Variants in MAF observed in about 807,000 individuals in gnomAD.
MAF encodes MAF bZIP transcription factor, also known as transcription factor Maf.
A neutral mutation model predicts 22.0 loss-of-function variants in MAF; 10 were observed. That is an observed-to-expected ratio of 0.45 (90% CI 0.28 to 0.77). The LOEUF (loss-of-function observed/expected upper bound fraction) is 0.77. MAF is among the 30% of genes least tolerant of loss of function. The pLI is 0.12. For synonymous variants in MAF, 337 were observed against 255.8 expected (o/e 1.32, Z -3.03); for missense variants, 544 against 548.4 (o/e 0.99, Z 0.08).
the MAF span, among the ~76,000 whole-genome samples, chr16:79,303,601 A>C: frequency 5.9e-5 from 9 of 152,218 alleles, no homozygotes; most frequent in African/African-American, 2.2e-4. Context: ...CCCAGTGCCT[A>C]CGAATGGCTT....
chr16:79,369,903 A>G, the MAF span, among the ~76,000 whole-genome samples: 1 of 152,208 alleles, frequency 6.6e-6, no homozygotes. Flanking sequence ...TAAACCAAAC[A>G]CCAGGCCTCC....
At chr16:79,588,550 C>T (rs746927952) in intron 1 of MAF, among the ~76,000 whole-genome samples, 10 of 151,634 alleles carry the variant, frequency 6.6e-5, no homozygotes, top group Non-Finnish European at 1.2e-4. Context: ...ATTCTCCTGC[C>T]TCCCAGGTTC....
intron 1 of MAF, among the ~76,000 whole-genome samples, chr16:79,587,254 G>A (rs575312147): frequency 2.1e-4 from 32 of 152,060 alleles, no homozygotes; most frequent in African/African-American, 7.0e-4. Context: ...TCGCCTTTAC[G>A]TATTAGTATA....
At chr16:79,384,232 T>C in the MAF span, among the ~76,000 whole-genome samples, 55 of 150,036 alleles carry the variant, frequency 3.7e-4, no homozygotes, top group African/African-American at 9.3e-4. Flanking sequence ...TCACCTGAGG[T>C]CAGGAGTTCG....
At chr16:79,427,862 C>T in the MAF span, among the ~76,000 whole-genome samples, 6 of 152,084 alleles carry the variant, frequency 3.9e-5, no homozygotes, top group Admixed American at 3.9e-4. Context: ...CAGCTCTGTG[C>T]CTCCAGGACT....
chr16:79,231,196 G>C, the MAF span, among the ~76,000 whole-genome samples: 1,447 of 152,084 alleles, frequency 9.5e-3, 27 homozygotes, highest in African/African-American at 0.033. Context: ...GTCACTCTTT[G>C]CCAATGGGCT....
At chr16:79,576,231 TAA>T in the MAF span, among the ~76,000 whole-genome samples, 1,007 of 42,952 alleles carry the variant, frequency 0.023, 12 homozygotes, top group African/African-American at 0.072. Context: ...CCTGTGGTAC[TAA>T]AAAAAAAAAA....
the MAF span, among the ~76,000 whole-genome samples, chr16:79,499,651 T>A: frequency 1.3e-5 from 2 of 152,138 alleles, no homozygotes; most frequent in African/African-American, 4.8e-5. Flanking sequence ...AAGACACAGG[T>A]AGAAGGCACC....
At chr16:79,293,606 G>A in the MAF span, among the ~76,000 whole-genome samples, 4 of 152,068 alleles carry the variant, frequency 2.6e-5, no homozygotes, top group Non-Finnish European at 5.9e-5. Context: ...CAGACCCCAC[G>A]ACTTATGTTC....
chr16:79,492,805 T>C, the MAF span, among the ~76,000 whole-genome samples: 4 of 152,128 alleles, frequency 2.6e-5, no homozygotes, highest in East Asian at 1.9e-4. Flanking sequence ...TTACATAAAA[T>C]TCAAAAAACT....
chr16:79,535,740 G>A, the MAF span, among the ~76,000 whole-genome samples: 1 of 151,762 alleles, frequency 6.6e-6, no homozygotes, highest in Admixed American at 6.6e-5. Flanking sequence ...TGGGACTACA[G>A]GCACGTGCCA....
the MAF span, among the ~76,000 whole-genome samples, chr16:79,532,298 A>G: frequency 6.6e-6 from 1 of 152,322 alleles, no homozygotes; most frequent in Middle Eastern, 3.4e-3. Context: ...CCATTCTCCC[A>G]TGTCCAACAG....
the MAF span, among the ~76,000 whole-genome samples, chr16:79,266,690 A>G: frequency 6.6e-6 from 1 of 152,210 alleles, no homozygotes; most frequent in Admixed American, 6.5e-5. Flanking sequence ...AGAGTAGGGT[A>G]GAGTGATGGA....
chr16:79,571,465 A>G, the MAF span, among the ~76,000 whole-genome samples: 1 of 149,330 alleles, frequency 6.7e-6, no homozygotes, highest in Non-Finnish European at 1.5e-5. Context: ...CATTTCCACC[A>G]CTCCATAATT....
the MAF span, among the ~76,000 whole-genome samples, chr16:79,229,690 T>G: frequency 7.6e-6 from 1 of 131,230 alleles, no homozygotes; most frequent in Admixed American, 7.8e-5. Context: ...GCCACGGGGC[T>G]GGCTCCTCGT....
the MAF span, among the ~76,000 whole-genome samples, chr16:79,349,483 C>A: frequency 6.6e-6 from 1 of 152,160 alleles, no homozygotes; most frequent in Non-Finnish European, 1.5e-5. Context: ...GAGGTCATTG[C>A]CAATTTCAAA....
the MAF span, among the ~76,000 whole-genome samples, chr16:79,509,207 A>G: frequency 6.6e-6 from 1 of 152,178 alleles, no homozygotes; most frequent in Non-Finnish European, 1.5e-5. Flanking sequence ...AACCCTTGGC[A>G]TTCTAAGCAG....
At chr16:79,505,231 C>A in the MAF span, among the ~76,000 whole-genome samples, 3 of 152,038 alleles carry the variant, frequency 2.0e-5, no homozygotes, top group Non-Finnish European at 2.9e-5. Context: ...TGAAAAACAG[C>A]CAAAAAACAC....
chr16:79,238,572 G>T, the MAF span, among the ~76,000 whole-genome samples: 1 of 151,936 alleles, frequency 6.6e-6, no homozygotes, highest in Admixed American at 6.6e-5. Flanking sequence ...AAGTCTCCCT[G>T]GGAATGCCAG....
Sources: allele counts gnomAD v4.1 joint callset (sites outside exome capture counted in the v4.1 genomes callset), GRCh38; gene constraint gnomAD v4.1.1; transcripts MANE v1.5; gene names NCBI Gene and HGNC (gene_info 2026-07-23, HGNC 2026-07-21).